The following SLC38A3 variants were observed in gnomAD, a reference collection of about 807,000 sequenced individuals.
SLC38A3 encodes the protein sodium-coupled neutral amino acid transporter 3.
Under a neutral mutation model 59.5 loss-of-function variants are expected in SLC38A3, and 17 were observed. The observed-to-expected ratio is 0.29, with a 90% confidence interval of 0.20 to 0.43. The LOEUF (loss-of-function observed/expected upper bound fraction) is 0.43, where lower values mean the gene tolerates loss of function less well. SLC38A3 is among the 20% of genes least tolerant of loss of function. The pLI is 1.00. For missense variants in SLC38A3, 454 were observed against 653.9 expected (o/e 0.69, Z 3.33); for synonymous variants, 238 against 260.3 (o/e 0.91, Z 0.82).
chr3:50,206,754 A>G (rs999666909), intron 1 of SLC38A3, among the ~76,000 whole-genome samples: 14 of 152,070 alleles, frequency 9.2e-5, no homozygotes, highest in African/African-American at 3.1e-4. Flanking sequence ...GTATCTCAGA[A>G]TTTTGTTCTG....
chr3:50,215,298 C>A lies in SLC38A3; in HGVS notation c.300-88C>A. 8.2e-7 allele frequency: 1 copy of A among 1,220,738 alleles called. No individual in the cohort carries two copies. The highest frequency in any genetic ancestry group is 2.3e-5 in the East Asian group (1 of 42,904). 75.6% of individuals were successfully genotyped at this position (1,220,738 alleles called of 1,614,324 possible). On this transcript the variant is annotated intron_variant, in intron 4 of 15. Coordinates refer to ENST00000614032, the MANE Select transcript of SLC38A3 (RefSeq NM_006841.6). This position sits in a 1 kb window ranked among gnomAD's most constrained non-coding sequence, Gnocchi z 7.1. ...ACACCCAGGTCACAGACCCTCCACC[C>A]CCAGGCCTCCCAGAGCCCCTCACCC...
chr3:50,214,214 G>A lies in SLC38A3; in HGVS notation c.15G>A (p.Leu5=). The A allele has an allele frequency of 1.2e-6, 2 of 1,613,772 alleles. No homozygotes were observed. The highest frequency in any genetic ancestry group is 1.7e-4 in the Middle Eastern group (1 of 6,002). MEAP[L]QTEMVELVPN... ...TGCCCTGAGCCATGGAGGCGCCTTTGCAGACAGAGATGGTGGAGCTGGTGC... is the reference window on the plus strand; with the variant it reads ...TGCCCTGAGCCATGGAGGCGCCTTTACAGACAGAGATGGTGGAGCTGGTGC... The change falls in exon 2 of 16, where the codon TTG becomes TTA. Residue 5 remains leucine, a synonymous_variant. Coordinates refer to ENST00000614032, the MANE Select transcript of SLC38A3 (RefSeq NM_006841.6). This position sits in a 1 kb window ranked among gnomAD's most constrained non-coding sequence, Gnocchi z 6.0.
At chr3:50,209,224 A>G (rs999994151) in intron 1 of SLC38A3, among the ~76,000 whole-genome samples, 2 of 152,124 alleles carry the variant, frequency 1.3e-5, no homozygotes, top group South Asian at 4.2e-4. Flanking sequence ...GCTCTAGCCC[A>G]CTCGTGAACC....
At chr3:50,209,384 C>T (rs1427914508) in intron 1 of SLC38A3, among the ~76,000 whole-genome samples, 1 of 152,208 alleles carries the variant, frequency 6.6e-6, no homozygotes, top group East Asian at 1.9e-4. Flanking sequence ...CGCAGTGGCT[C>T]AAGCCTGTAA....
chr3:50,205,930 A>G (rs898877838), intron 1 of SLC38A3, among the ~76,000 whole-genome samples: 25 of 152,214 alleles, frequency 1.6e-4, no homozygotes, highest in African/African-American at 5.3e-4. Context: ...CTGGTCCCAG[A>G]GCCGGTGCCA....
chr3:50,209,444 C>T (rs926036120), intron 1 of SLC38A3, among the ~76,000 whole-genome samples: 3 of 152,070 alleles, frequency 2.0e-5, no homozygotes, highest in Admixed American at 6.5e-5. Flanking sequence ...GTCAGGAGAT[C>T]GAGACCATCC....
In SLC38A3 at chr3:50,217,295, G is replaced by T. The variant is rs143348600; in HGVS notation, c.606G>T (p.Leu202=). 8 of 1,613,592 alleles carry T rather than the reference G, an allele frequency of 5.0e-6. No homozygotes were observed. In the African/African-American group the frequency reaches 1.1e-4, roughly 22 times the overall value. The change falls in exon 8 of 16, where the codon CTG becomes CTT. Residue 202 remains leucine (L), a synonymous_variant. Transcript: ENST00000614032. The surrounding 1 kb of genome is among the most constrained non-coding windows in gnomAD (Gnocchi z 4.9). ...LVILVSVTII[L]PLALMRQLGY... is the part of the protein sequence containing the mutation. ...TCCTTGTCTCTGTCACCATCATTCT[G>T]CCCCTGGCACTGATGCGGCAGCTTG... is the stretch of plus-strand genomic sequence containing the variant.
In SLC38A3 at chr3:50,214,310, A is replaced by G. The variant is rs200836462; in HGVS notation, c.101+10A>G. 2.0e-5 allele frequency: 32 copies of G among 1,613,524 alleles called. No individual in the cohort carries two copies. The highest frequency in any genetic ancestry group is 2.7e-5 in the Non-Finnish European group (32 of 1,179,604). ...TGGCAGGCAACCAGAGGTGAGTACC[A>G]GAGGGACCCAGTGGTGGCTGAAGAC... On this transcript the variant is annotated intron_variant, in intron 2 of 15. Coordinates refer to ENST00000614032, the MANE Select transcript of SLC38A3 (RefSeq NM_006841.6). The surrounding 1 kb of genome is among the most constrained non-coding windows in gnomAD (Gnocchi z 6.0).
At position 50,214,224 on chromosome 3, in the gene SLC38A3, A is replaced by T. The variant is rs747175529; in HGVS notation, c.25A>T (p.Met9Leu). 6.2e-7 allele frequency: 1 copy of T among 1,613,820 alleles called. No homozygotes were observed. The highest frequency in any genetic ancestry group is 1.1e-5 in the South Asian group (1 of 91,064). ...CATGGAGGCGCCTTTGCAGACAGAG[A>T]TGGTGGAGCTGGTGCCCAATGGCAA... MEAPLQTE[M>L]VELVPNGKHS... The change falls in exon 2 of 16, where the codon ATG (methionine) becomes TTG (leucine). Residue 9 changes from methionine to leucine, a missense_variant. Physicochemically the swap from Met to Leu is conservative, Grantham distance 15. This residue lies in a region of SLC38A3 where 390 missense variants were observed against 557.9 expected (regional missense o/e 0.70). Coordinates refer to ENST00000614032, the MANE Select transcript of SLC38A3 (RefSeq NM_006841.6). The surrounding 1 kb of genome is among the most constrained non-coding windows in gnomAD (Gnocchi z 6.0).
chr3:50,211,793 G>T (rs1347903626), intron 1 of SLC38A3, among the ~76,000 whole-genome samples: 1 of 151,838 alleles, frequency 6.6e-6, no homozygotes, highest in Non-Finnish European at 1.5e-5. Context: ...TTCCATGTTG[G>T]TCAGGCTAGT....
At chr3:50,206,949 C>A (rs1333606060) in intron 1 of SLC38A3, among the ~76,000 whole-genome samples, 1 of 152,226 alleles carries the variant, frequency 6.6e-6, no homozygotes, top group Non-Finnish European at 1.5e-5. Flanking sequence ...AAGCCCTGGA[C>A]AGTTGGAGAA....
rs776111657 is a variant in SLC38A3 at position 50,217,877 on chromosome 3, G to C, written c.855+37G>C. The C allele has an allele frequency of 1.4e-4, 226 of 1,613,918 alleles. No homozygotes were observed. Among genetic ancestry groups the C allele is most frequent in the Non-Finnish European group, 1.8e-4 (216 of 1,179,904 alleles). ...TCAGGGCAAGGCGGGGGCCCAATGA[G>C]AGTGGCAGACTGCCTTGACACAGCC... On this transcript the variant is annotated intron_variant, in intron 10 of 15. Transcript: ENST00000614032. The surrounding 1 kb of genome is among the most constrained non-coding windows in gnomAD (Gnocchi z 4.9).
chr3:50,215,908 G>T lies in SLC38A3; in HGVS notation c.548+87G>T, dbSNP rs1320692895. Reference sequence around the variant, plus strand: ...GGTGGGGCTGGGTGAGGGTGGGGGGGCCCAGGCTGGGCTGGTGGGAGAGAC... The same window carrying T: ...GGTGGGGCTGGGTGAGGGTGGGGGGTCCCAGGCTGGGCTGGTGGGAGAGAC... On this transcript the variant is annotated intron_variant, in intron 7 of 15. Coordinates refer to ENST00000614032, the MANE Select transcript of SLC38A3 (RefSeq NM_006841.6). This position sits in a 1 kb window ranked among gnomAD's most constrained non-coding sequence, Gnocchi z 7.1. 1 of 403,758 alleles carries T rather than the reference G, an allele frequency of 2.5e-6. No individual in the cohort carries two copies. Among genetic ancestry groups the T allele is most frequent in the Non-Finnish European group, 4.9e-6 (1 of 203,150 alleles). 25.0% of individuals were successfully genotyped at this position (403,758 alleles called of 1,614,324 possible). A position where few individuals can be genotyped will look rare whatever the true frequency, so the allele number is the denominator to read the frequency against.
In SLC38A3 at chr3:50,218,259, C is replaced by A. The variant is rs115060266; in HGVS notation, c.936-11C>A. ...CTTGTCACCAACACCCACCCCCCCACTTCCCCACAGCCCCTCCAAGAAGAA... is the reference window on the plus strand; with the variant it reads ...CTTGTCACCAACACCCACCCCCCCAATTCCCCACAGCCCCTCCAAGAAGAA... On this transcript the variant is annotated splice_polypyrimidine_tract_variant and intron_variant, in intron 11 of 15. Transcript: ENST00000614032. This position sits in a 1 kb window ranked among gnomAD's most constrained non-coding sequence, Gnocchi z 5.8. 2,757 of 1,571,132 alleles carry A rather than the reference C, an allele frequency of 1.8e-3. 39 individuals carry two copies. The African/African-American group carries it at 0.034, about 19-fold the overall frequency.
rs1229826965 is a variant in SLC38A3 at position 50,214,840 on chromosome 3, C to T, written c.299+72C>T. 1.8e-5 allele frequency: 17 copies of T among 956,116 alleles called. No homozygotes were observed. The highest frequency in any genetic ancestry group is 2.2e-5 in the Admixed American group (1 of 44,826). The allele number at this position is 956,116 out of a possible 1,614,324, so 59.2% of individuals were successfully genotyped here. On this transcript the variant is annotated intron_variant, in intron 4 of 15. Transcript: ENST00000614032. This position sits in a 1 kb window ranked among gnomAD's most constrained non-coding sequence, Gnocchi z 6.0. ...CCACCAATCATGACCTCCCAGGACC[C>T]GCCAGTTCCCTGTCCCAGCATCCAG...
chr3:50,218,833 T>C lies in SLC38A3; in HGVS notation c.1191T>C (p.Phe397=). 6.2e-7 allele frequency: 1 copy of C among 1,612,384 alleles called. No homozygotes were observed. The highest frequency in any genetic ancestry group is 1.3e-5 in the African/African-American group (1 of 74,992). The change falls in exon 14 of 16, where the codon TTT becomes TTC. Residue 397 remains phenylalanine, a synonymous_variant. Coordinates refer to ENST00000614032, the MANE Select transcript of SLC38A3 (RefSeq NM_006841.6). This position sits in a 1 kb window ranked among gnomAD's most constrained non-coding sequence, Gnocchi z 5.8. The part of the protein sequence containing the change: ...PVRRAIQQML[F]PNQEFSWLRH... ...GCCGCGCCATCCAGCAGATGCTGTT[T>C]CCAAACCAGGAGTTCAGCTGGCTGC...
At position 50,217,195 on chromosome 3, in the gene SLC38A3, C is replaced by T. The variant is rs746948103; in HGVS notation, c.549-43C>T. On this transcript the variant is annotated intron_variant, in intron 7 of 15. Transcript: ENST00000614032. The surrounding 1 kb of genome is among the most constrained non-coding windows in gnomAD (Gnocchi z 4.9). ...AGGGAGGCAGGGGCCCCATCCCAGGCTGAATGGATTCTGACCCTGGCTCCC... is the reference window on the plus strand; with the variant it reads ...AGGGAGGCAGGGGCCCCATCCCAGGTTGAATGGATTCTGACCCTGGCTCCC... 1.2e-5 allele frequency: 18 copies of T among 1,477,862 alleles called. 1 individual carries two copies. The South Asian group carries it at 1.8e-4, about 15-fold the overall frequency. 91.5% of individuals were successfully genotyped at this position (1,477,862 alleles called of 1,614,324 possible). A position where few individuals can be genotyped will look rare whatever the true frequency, so the allele number is the denominator to read the frequency against.
chr3:50,214,976 GC>G lies in SLC38A3; in HGVS notation c.299+210del. 1.7e-6 allele frequency: 1 copy of G among 602,780 alleles called. No homozygotes were observed. Among genetic ancestry groups the G allele is most frequent in the Non-Finnish European group, 2.9e-6 (1 of 340,812 alleles). 37.3% of individuals were successfully genotyped at this position (602,780 alleles called of 1,614,324 possible). Reference sequence around the variant, plus strand: ...TAAACCGACTGAGGTCACAACACAGGCCGGTCTTACAGGCCAGAGACTGTCC... The same window carrying G: ...TAAACCGACTGAGGTCACAACACAGGCGGTCTTACAGGCCAGAGACTGTCC... On this transcript the variant is annotated intron_variant, in intron 4 of 15. Coordinates refer to ENST00000614032, the MANE Select transcript of SLC38A3 (RefSeq NM_006841.6). The surrounding 1 kb of genome is among the most constrained non-coding windows in gnomAD (Gnocchi z 6.0).
Position 50,218,578 on chromosome 3 carries a change from C to CCCTG in SLC38A3, c.1037-8_1037-5dup. On this transcript the variant is annotated splice_polypyrimidine_tract_variant and intron_variant, in intron 12 of 15. Coordinates refer to ENST00000614032, the MANE Select transcript of SLC38A3 (RefSeq NM_006841.6). The surrounding 1 kb of genome is among the most constrained non-coding windows in gnomAD (Gnocchi z 5.8). ...CCTGGGGCCACCTACTGACCACCCTCCCTGCCTGCCACAGACGGGGTGGAG... is the reference window on the plus strand; with the variant it reads ...CCTGGGGCCACCTACTGACCACCCTCCCTGCCTGCCTGCCACAGACGGGGTGGAG... 1.9e-6 allele frequency: 3 copies of CCCTG among 1,610,284 alleles called. No homozygotes were observed. The highest frequency in any genetic ancestry group is 2.5e-6 in the Non-Finnish European group (3 of 1,178,274).
Sources: gnomAD v4.1 joint callset for allele counts (sites outside exome capture counted in the v4.1 genomes callset) on GRCh38, gnomAD v4.1.1 for gene constraint, gnomAD v4.1.1 regional missense constraint, Gnocchi (gnomAD v3.1) non-coding constraint, MANE v1.5 for transcripts, NCBI Gene and HGNC (gene_info 2026-07-23, HGNC 2026-07-21) for gene names.